EFNA5: variants seen among roughly 807,000 people sequenced by gnomAD.
The protein encoded by EFNA5 is ephrin-A5.
A neutral mutation model predicts 22.9 loss-of-function variants in EFNA5; 5 were observed. That is an observed-to-expected ratio of 0.22 (90% CI 0.11 to 0.46). EFNA5 has a LOEUF of 0.46. Ranked by LOEUF, EFNA5 falls within the 20% of genes least tolerant of loss-of-function variation. EFNA5 has a pLI of 0.99. For missense variants in EFNA5, 237 were observed against 293.3 expected (o/e 0.81, Z 1.40); for synonymous variants, 113 against 112.2 (o/e 1.01, Z -0.04).
intron 1 of EFNA5, among the ~76,000 whole-genome samples, chr5:107,658,065 A>G (rs1750867649): frequency 6.6e-6 from 1 of 152,158 alleles, no homozygotes; most frequent in Admixed American, 6.6e-5. Flanking sequence ...AACTTTACAG[A>G]AAGAACGCAT....
intron 1 of EFNA5, among the ~76,000 whole-genome samples, chr5:107,631,256 A>AACACACACACACACAC (rs10616989): frequency 1.4e-5 from 2 of 145,666 alleles, no homozygotes; most frequent in African/African-American, 2.6e-5. Flanking sequence ...CCTGACTACA[A>AACACACACACACACAC]ACACACACAC....
chr5:107,396,268 A>C (rs1379071281), intron 2 of EFNA5, among the ~76,000 whole-genome samples: 1 of 151,892 alleles, frequency 6.6e-6, no homozygotes, highest in Non-Finnish European at 1.5e-5. Context: ...ATTCTTTTTG[A>C]CTTATTTTGT....
chr5:107,513,640 G>C (rs1158654833), intron 1 of EFNA5, among the ~76,000 whole-genome samples: 1 of 152,142 alleles, frequency 6.6e-6, no homozygotes, highest in Non-Finnish European at 1.5e-5. Flanking sequence ...TCTACATGAC[G>C]GGTGCTGTGG....
At chr5:107,572,647 A>C (rs1206148565) in intron 1 of EFNA5, among the ~76,000 whole-genome samples, 5 of 152,234 alleles carry the variant, frequency 3.3e-5, no homozygotes, top group African/African-American at 9.6e-5. Flanking sequence ...GCAGCGTAGG[A>C]TCAAAATGCA....
chr5:107,380,956 C>A lies in EFNA5; in HGVS notation c.*299G>T. The A allele has an allele frequency of 6.4e-6, 3 of 466,734 alleles. No homozygotes were observed. Among genetic ancestry groups the A allele is most frequent in the South Asian group, 1.1e-4 (2 of 17,826 alleles). The allele number at this position is 466,734 out of a possible 1,614,324, so 28.9% of individuals were successfully genotyped here. ...AGGAGAATGCACAGGAGCTGACGAACCACTGGTGTCACTATGACAATTTGG... is the reference window on the plus strand; with the variant it reads ...AGGAGAATGCACAGGAGCTGACGAAACACTGGTGTCACTATGACAATTTGG... On this transcript the variant is annotated 3_prime_UTR_variant, in exon 5 of 5. Coordinates refer to ENST00000333274, the MANE Select transcript of EFNA5 (RefSeq NM_001962.3).
At chr5:107,489,457 C>T (rs948007334) in intron 1 of EFNA5, among the ~76,000 whole-genome samples, 2 of 152,180 alleles carry the variant, frequency 1.3e-5, no homozygotes, top group Admixed American at 6.5e-5. Flanking sequence ...AGGCATGAAC[C>T]ACCGTGCCCG....
At chr5:107,422,426 A>G (rs1174279620) in intron 2 of EFNA5, among the ~76,000 whole-genome samples, 2 of 152,262 alleles carry the variant, frequency 1.3e-5, no homozygotes, top group Non-Finnish European at 2.9e-5. Flanking sequence ...GTAAAAGTAT[A>G]GAGAATGCAG....
intron 1 of EFNA5, among the ~76,000 whole-genome samples, chr5:107,548,555 G>T (rs997921269): frequency 7.2e-5 from 11 of 152,148 alleles, no homozygotes; most frequent in African/African-American, 2.7e-4. Flanking sequence ...TGGGAAATAC[G>T]TGCTTGGATT....
chr5:107,615,211 G>A (rs1046523267), intron 1 of EFNA5, among the ~76,000 whole-genome samples: 1 of 152,060 alleles, frequency 6.6e-6, no homozygotes, highest in Admixed American at 6.5e-5. Context: ...GCACCTGACT[G>A]GCTTGTCAGA....
chr5:107,501,541 C>A (rs1330235625), intron 1 of EFNA5, among the ~76,000 whole-genome samples: 1 of 152,128 alleles, frequency 6.6e-6, no homozygotes, highest in African/African-American at 2.4e-5. Flanking sequence ...TTCTCAGAAA[C>A]TATTTTTCTC....
chr5:107,545,965 G>A (rs530761736), intron 1 of EFNA5, among the ~76,000 whole-genome samples: 6 of 152,226 alleles, frequency 3.9e-5, no homozygotes, highest in African/African-American at 1.4e-4. Flanking sequence ...CCTGACATTA[G>A]TGTTTTGTTT....
At chr5:107,422,593 C>T (rs1157211320) in intron 2 of EFNA5, among the ~76,000 whole-genome samples, 1 of 152,164 alleles carries the variant, frequency 6.6e-6, no homozygotes, top group African/African-American at 2.4e-5. Context: ...CCCCAGGTCC[C>T]GATGTAGGAG....
intron 2 of EFNA5, among the ~76,000 whole-genome samples, chr5:107,415,565 G>A (rs866586026): frequency 1.3e-5 from 2 of 152,292 alleles, no homozygotes; most frequent in Middle Eastern, 3.4e-3. Flanking sequence ...GCTGCTGGGT[G>A]GGCTCCCTGA....
chr5:107,609,704 T>C (rs886748531), intron 1 of EFNA5, among the ~76,000 whole-genome samples: 1 of 152,068 alleles, frequency 6.6e-6, no homozygotes, highest in African/African-American at 2.4e-5. Flanking sequence ...TTCCTAAATT[T>C]ACCTGCACCA....
rs116206072 is a variant in EFNA5 at position 107,421,183 on chromosome 5, T to C, written c.418+6034A>G. Among the ~76,000 whole-genome samples the C allele has an allele frequency of 3.5e-3, 531 of 152,346 alleles. 3 individuals are homozygous for C. The highest frequency in any genetic ancestry group is 0.012 in the African/African-American group (508 of 41,586). On this transcript the variant is annotated intron_variant, in intron 2 of 4. Transcript: ENST00000333274. ...ATTAAAATTGCCTCATGGCTTAAGATAAAACTGTAAACTTTTAATCTAAAT... is the reference window on the plus strand; with the variant it reads ...ATTAAAATTGCCTCATGGCTTAAGACAAAACTGTAAACTTTTAATCTAAAT...
Position 107,670,744 on chromosome 5 carries a change from G to C in EFNA5, c.-131C>G, listed in dbSNP as rs1751179869. 1 of 1,378,638 alleles carries C rather than the reference G, an allele frequency of 7.3e-7. No individual in the cohort carries two copies. The highest frequency in any genetic ancestry group is 2.5e-5 in the Admixed American group (1 of 39,394). The allele number at this position is 1,378,638 out of a possible 1,614,324, so 85.4% of individuals were successfully genotyped here. On this transcript the variant is annotated 5_prime_UTR_variant, in exon 1 of 5. Transcript: ENST00000333274. Reference sequence around the variant, plus strand: ...TAAATATGAATAAATAAAAATGAAAGTGGGCGAGAAAGGAAAGAGGCGCCC... The same window carrying C: ...TAAATATGAATAAATAAAAATGAAACTGGGCGAGAAAGGAAAGAGGCGCCC...
chr5:107,515,782 A>C (rs1440993015), intron 1 of EFNA5, among the ~76,000 whole-genome samples: 1 of 152,044 alleles, frequency 6.6e-6, no homozygotes, highest in Admixed American at 6.6e-5. Context: ...TAATCTTATA[A>C]CCTCTTCCTA....
intron 1 of EFNA5, among the ~76,000 whole-genome samples, chr5:107,656,070 GCTC>G (rs987663010): frequency 6.6e-6 from 1 of 152,146 alleles, no homozygotes; most frequent in African/African-American, 2.4e-5. Flanking sequence ...GTTTCAACAA[GCTC>G]CTCATTGGAA....
intron 2 of EFNA5, among the ~76,000 whole-genome samples, chr5:107,406,181 G>GAATGTATACAAATACATATATTTGTATAT (rs1554057073): frequency 4.1e-5 from 6 of 145,082 alleles, no homozygotes; most frequent in African/African-American, 1.3e-4. Flanking sequence ...TATATACATA[G>GAATGTATACAAATACATATATTTGTATAT]AATGTATACA....
Sources: gnomAD v4.1 joint callset for allele counts (sites outside exome capture counted in the v4.1 genomes callset) on GRCh38, gnomAD v4.1.1 for gene constraint, MANE v1.5 for transcripts, NCBI Gene and HGNC (gene_info 2026-07-23, HGNC 2026-07-21) for gene names.